ARSK: variants seen among roughly 807,000 people sequenced by gnomAD.
The protein encoded by ARSK is arylsulfatase K.
Under a neutral mutation model 53.2 loss-of-function variants are expected in ARSK, and 37 were observed. That is an observed-to-expected ratio of 0.70 (90% CI 0.54 to 0.92). The LOEUF (loss-of-function observed/expected upper bound fraction) is 0.92. Among genes scored for constraint, ARSK ranks in the 40% least tolerant of loss-of-function variants. The pLI is 0.00. For missense variants in ARSK, 613 were observed against 643.0 expected, an observed-to-expected ratio of 0.95 and a Z score of 0.51; for synonymous variants, 208 against 223.2, an observed-to-expected ratio of 0.93 and a Z score of 0.61.
At chr5:95,563,712 C>T (rs535703815) in intron 1 of ARSK, among the ~76,000 whole-genome samples, 1 of 152,172 alleles carries the variant, frequency 6.6e-6, no homozygotes, top group African/African-American at 2.4e-5. Flanking sequence ...TGAACCTAGC[C>T]TGCAGGACTT....
chr5:95,562,833 A>C (rs895394885), intron 1 of ARSK, among the ~76,000 whole-genome samples: 1 of 152,260 alleles, frequency 6.6e-6, no homozygotes, highest in Non-Finnish European at 1.5e-5. Flanking sequence ...TGGCCTTGAG[A>C]AAATTGAAAT....
chr5:95,579,962 TACG>T (rs1014147795), intron 3 of ARSK, among the ~76,000 whole-genome samples: 5 of 152,216 alleles, frequency 3.3e-5, no homozygotes, highest in African/African-American at 9.6e-5. Context: ...TTACTGTTAT[TACG>T]ACAATAGTTT....
chr5:95,601,076 G>A lies in ARSK; in HGVS notation c.1321+5G>A, dbSNP rs1253645705. 3 of 1,604,752 alleles carry A rather than the reference G, an allele frequency of 1.9e-6. No homozygotes were observed. The highest frequency in any genetic ancestry group is 1.7e-6 in the Non-Finnish European group (2 of 1,171,718). On this transcript the variant is annotated splice_donor_5th_base_variant and intron_variant, in intron 7 of 7. Transcript: ENST00000380009. ...CAATATTGCCTCAACTCTTTGGTAA[G>A]TTTGTTAATATATTTTTAAGTGTAA...
Position 95,603,138 on chromosome 5 carries a change from TC to T in ARSK, c.1322-98del, listed in dbSNP as rs1749431780. On this transcript the variant is annotated intron_variant, in intron 7 of 7. Coordinates refer to ENST00000380009, the MANE Select transcript of ARSK (RefSeq NM_198150.3). ...TTACTACACTAACAGGAACTGAAAATCTAAAAAAAAAATCTAATACATTACC... is the reference window on the plus strand; with the variant it reads ...TTACTACACTAACAGGAACTGAAAATTAAAAAAAAAATCTAATACATTACC... 3.1e-6 allele frequency: 3 copies of T among 968,876 alleles called. No individual in the cohort carries two copies. In the South Asian group the frequency reaches 6.5e-5, roughly 21 times the overall value. 60.0% of individuals were successfully genotyped at this position (968,876 alleles called of 1,614,324 possible). A position where few individuals can be genotyped will look rare whatever the true frequency, so the allele number is the denominator to read the frequency against.
In ARSK at chr5:95,566,142, A is replaced by G. The variant is rs6864167; in HGVS notation, c.256+15A>G. ...ATCACGCGCAGGTATGAACATCCTT[A>G]ATATGAATGGGAGAAAGTGGCTACA... On this transcript the variant is annotated intron_variant, in intron 2 of 7. Transcript: ENST00000380009. The G allele has an allele frequency of 4.3e-6, 7 of 1,610,640 alleles. No individual in the cohort carries two copies. In the African/African-American group the frequency reaches 9.4e-5, roughly 22 times the overall value.
intron 6 of ARSK, among the ~76,000 whole-genome samples, chr5:95,597,031 A>C (rs1749319725): frequency 6.6e-6 from 1 of 152,108 alleles, no homozygotes; most frequent in South Asian, 2.1e-4. Flanking sequence ...TATAATATTA[A>C]TATTAAAGTT....
chr5:95,576,124 T>C (rs1252462626), intron 3 of ARSK, among the ~76,000 whole-genome samples: 1 of 152,124 alleles, frequency 6.6e-6, no homozygotes, highest in African/African-American at 2.4e-5. Context: ...TTAAAAGCTT[T>C]TTCAGCATCA....
intron 3 of ARSK, among the ~76,000 whole-genome samples, chr5:95,575,664 G>A (rs1436761800): frequency 1.3e-5 from 2 of 152,096 alleles, no homozygotes; most frequent in Non-Finnish European, 2.9e-5. Flanking sequence ...CATGGGATGG[G>A]ATTACTTTCT....
At chr5:95,603,081 A>G (rs1350114397) in intron 7 of ARSK, among the ~76,000 whole-genome samples, 156 bp from the exon 8 acceptor site, 1 of 152,160 alleles carries the variant, frequency 6.6e-6, no homozygotes, top group African/African-American at 2.4e-5. Context: ...AACTCCTGGT[A>G]TGTTATTTTA....
chr5:95,560,954 G>A (rs1380741622), intron 1 of ARSK, among the ~76,000 whole-genome samples: 1 of 151,838 alleles, frequency 6.6e-6, no homozygotes, highest in African/African-American at 2.4e-5. Context: ...ACAGGTGCCC[G>A]CCACCACACC....
chr5:95,595,686 G>T (rs1749297351), intron 6 of ARSK, among the ~76,000 whole-genome samples: 1 of 147,990 alleles, frequency 6.8e-6, no homozygotes, highest in Non-Finnish European at 1.5e-5. Context: ...GGGAGGGAGG[G>T]AGGGGGCCAG....
intron 3 of ARSK, among the ~76,000 whole-genome samples, chr5:95,575,725 CTTTG>C (rs1466034899): frequency 2.6e-5 from 4 of 152,242 alleles, no homozygotes; most frequent in South Asian, 2.1e-4. Flanking sequence ...TGCTACTGAT[CTTTG>C]TTTGTTGATT....
At chr5:95,592,181 T>C (rs928837888) in intron 6 of ARSK, among the ~76,000 whole-genome samples, 23 of 152,238 alleles carry the variant, frequency 1.5e-4, no homozygotes, top group Non-Finnish European at 1.6e-4. Context: ...AAGGAAATCA[T>C]AGAACTAACT....
At chr5:95,561,827 CT>C (rs1748640336) in intron 1 of ARSK, among the ~76,000 whole-genome samples, 1 of 152,152 alleles carries the variant, frequency 6.6e-6, no homozygotes, top group South Asian at 2.1e-4. Flanking sequence ...GGTTGCACAG[CT>C]TTCTGAATAC....
At chr5:95,592,637 C>A (rs916258118) in intron 6 of ARSK, among the ~76,000 whole-genome samples, 5 of 152,138 alleles carry the variant, frequency 3.3e-5, no homozygotes, top group African/African-American at 9.7e-5. Flanking sequence ...CAACCTCTGC[C>A]TAACAGTTTC....
intron 4 of ARSK, among the ~76,000 whole-genome samples, chr5:95,584,423 G>C (rs541749233): frequency 2.0e-5 from 3 of 152,262 alleles, no homozygotes; most frequent in Admixed American, 2.0e-4. Flanking sequence ...TTTGTTAGGG[G>C]ACTGGTATTA....
chr5:95,555,388 T>C lies in ARSK; in HGVS notation c.110T>C (p.Val37Ala). 6.2e-7 allele frequency: 1 copy of C among 1,607,538 alleles called. No homozygotes were observed. Among genetic ancestry groups the C allele is most frequent in the Non-Finnish European group, 8.5e-7 (1 of 1,176,868 alleles). The change falls in exon 1 of 8, where the codon GTC becomes GCC. Residue 37 changes from valine (V) to alanine (A), a missense_variant. Physicochemically the swap from Val to Ala is moderately conservative, Grantham distance 64 (BLOSUM62 0). Coordinates refer to ENST00000380009, the MANE Select transcript of ARSK (RefSeq NM_198150.3). This position sits in a 1 kb window ranked among gnomAD's most constrained non-coding sequence, Gnocchi z 4.0. ...RAAKAPNVVL[V>A]VSDSFDGRLT... is the part of the protein sequence containing the mutation. ...GCCAAAGCGCCCAATGTGGTGCTGG[T>C]CGTGAGCGACTCCTTCGTAAGTACC...
At chr5:95,566,623 A>C (rs1004978173) in intron 2 of ARSK, among the ~76,000 whole-genome samples, 4 of 152,158 alleles carry the variant, frequency 2.6e-5, no homozygotes, top group African/African-American at 9.7e-5. Context: ...TCCCAAGTCA[A>C]ATTGTTCACT....
intron 3 of ARSK, among the ~76,000 whole-genome samples, chr5:95,574,808 T>G (rs1400204643): frequency 1.3e-5 from 2 of 152,194 alleles, no homozygotes; most frequent in Non-Finnish European, 2.9e-5. Context: ...TTCACTTTTT[T>G]TTTATTGTTC....
Sources: allele counts gnomAD v4.1 joint callset (sites outside exome capture counted in the v4.1 genomes callset), GRCh38; gene constraint gnomAD v4.1.1; non-coding constraint Gnocchi (gnomAD v3.1); transcripts MANE v1.5; gene names NCBI Gene and HGNC (gene_info 2026-07-23, HGNC 2026-07-21).